The following ZNF678 variants were observed in gnomAD, a reference collection of about 807,000 sequenced individuals.
ZNF678 encodes the protein zinc finger protein 678.
In ZNF678, 5 loss-of-function variants were observed where a neutral mutation model predicts 3.0. The ratio of observed to expected loss-of-function variants is 1.69; its 90% CI spans 0.88 to 3.56. The LOEUF (loss-of-function observed/expected upper bound fraction) is 3.56, where lower values mean the gene tolerates loss of function less well. Ranked by LOEUF, ZNF678 falls within the 30% of genes most tolerant of loss-of-function variation. The probability of loss-of-function intolerance (pLI) is 0.00; values close to 1 mark genes in which losing one functional copy is unlikely to be tolerated. For missense variants in ZNF678, 593 were observed against 605.0 expected, an observed-to-expected ratio of 0.98 and a Z score of 0.21; for synonymous variants, 218 against 199.6, an observed-to-expected ratio of 1.09 and a Z score of -0.78.
chr1:227,598,829 A>C, intron 1 of ZNF678: 1 of 585,036 alleles, frequency 1.7e-6, no homozygotes, highest in South Asian at 1.6e-5. Flanking sequence ...TGGAAGAATT[A>C]GAGCTTAATG....
chr1:227,598,945 C>G (rs1657664089), intron 1 of ZNF678: 20 of 812,650 alleles, frequency 2.5e-5, no homozygotes. Context: ...GTTCTTTCTT[C>G]CAGTTCTCAT....
At chr1:227,572,802 TTCA>T (rs1431412214) in intron 1 of ZNF678, among the ~76,000 whole-genome samples, 1 of 152,222 alleles carries the variant, frequency 6.6e-6, no homozygotes, top group Non-Finnish European at 1.5e-5. Flanking sequence ...TTCTGGAGTC[TTCA>T]TGTGAGAGTT....
intron 1 of ZNF678, among the ~76,000 whole-genome samples, chr1:227,593,498 G>A (rs941058367): frequency 6.6e-6 from 1 of 152,162 alleles, no homozygotes; most frequent in Non-Finnish European, 1.5e-5. Flanking sequence ...AAGACTCCTG[G>A]TTGGCACTGG....
At chr1:227,605,493 A>G (rs999818187) in intron 1 of ZNF678, among the ~76,000 whole-genome samples, 3 of 152,232 alleles carry the variant, frequency 2.0e-5, no homozygotes, top group African/African-American at 7.2e-5. Context: ...GCAAAAGTGA[A>G]TATTTGTCTT....
rs547706962 is a variant in ZNF678, at chr1:227,629,742, G to T, written c.-163-16802G>T. 2.6e-5 allele frequency among the ~76,000 whole-genome samples: 4 copies of T among 152,344 alleles called. No individual in the cohort carries two copies. The East Asian group carries it at 5.8e-4, about 22-fold the overall frequency. On this transcript the variant is annotated intron_variant, in intron 1 of 3. Coordinates refer to ENST00000343776, the MANE Select transcript of ZNF678 (RefSeq NM_001367909.1). ...ACTCAGAGGACCTTCATACCCTGGG[G>T]TGCGGTGGGCCTTCCAGTGATTCCC... is the stretch of plus-strand genomic sequence containing the variant.
rs1659418845 is a variant in ZNF678 at position 227,662,031 on chromosome 1, T to C, written c.*6203T>C. The stretch of plus-strand genomic sequence containing the variant: ...ATTCAGACCAGGAAATTCCAATACA[T>C]CAGTGCATGTGGAGGACATGAGTAT... On this transcript the variant is annotated 3_prime_UTR_variant, in exon 4 of 4. Coordinates refer to ENST00000343776, the MANE Select transcript of ZNF678 (RefSeq NM_001367909.1). 6.6e-6 allele frequency: 1 copy of C among 152,172 alleles called. No individual in the cohort carries two copies. The allele number at this position is 152,172 out of a possible 1,614,324, so 9.4% of individuals were successfully genotyped here. A position where few individuals can be genotyped will look rare whatever the true frequency, so the allele number is the denominator to read the frequency against.
chr1:227,589,670 A>C (rs565247190), intron 1 of ZNF678, among the ~76,000 whole-genome samples: 8 of 151,796 alleles, frequency 5.3e-5, no homozygotes, highest in African/African-American at 1.9e-4. Context: ...TGGGGACTGC[A>C]TGCACCAGTA....
At position 227,629,967 on chromosome 1, in the gene ZNF678, G is replaced by A. The variant is rs576595661; in HGVS notation, c.-163-16577G>A. On this transcript the variant is annotated intron_variant, in intron 1 of 3. Coordinates refer to ENST00000343776, the MANE Select transcript of ZNF678 (RefSeq NM_001367909.1). ...GCCTTTTTTTTTTTTAATCCCATTC[G>A]TCCCATTCCACCTTTTTTCTCCTGA... Among the ~76,000 whole-genome samples the A allele has an allele frequency of 4.7e-5, 7 of 149,238 alleles. No individual in the cohort carries two copies. In the East Asian group the frequency reaches 5.9e-4, roughly 13 times the overall value.
chr1:227,589,139 G>A (rs1657342390), intron 1 of ZNF678, among the ~76,000 whole-genome samples: 1 of 148,214 alleles, frequency 6.7e-6, no homozygotes, highest in Non-Finnish European at 1.5e-5. Flanking sequence ...AAGCTCTTTA[G>A]TTTAATTAGA....
chr1:227,578,595 T>A (rs1657044715), intron 1 of ZNF678, among the ~76,000 whole-genome samples: 1 of 152,192 alleles, frequency 6.6e-6, no homozygotes, highest in African/African-American at 2.4e-5. Flanking sequence ...TCTGTCACAG[T>A]TATGTTCTTT....
At chr1:227,577,588 G>A (rs1571860427) in intron 1 of ZNF678, among the ~76,000 whole-genome samples, 1 of 152,048 alleles carries the variant, frequency 6.6e-6, no homozygotes, top group Non-Finnish European at 1.5e-5. Context: ...TATTTGCTTG[G>A]TAGATTTTCC....
intron 1 of ZNF678, among the ~76,000 whole-genome samples, chr1:227,600,981 C>T (rs1657723806): frequency 6.6e-6 from 1 of 152,170 alleles, no homozygotes; most frequent in South Asian, 2.1e-4. Context: ...TTTCAATCTT[C>T]TGCATATGGC....
At chr1:227,613,518 T>C (rs1054198545) in intron 1 of ZNF678, among the ~76,000 whole-genome samples, 1 of 152,198 alleles carries the variant, frequency 6.6e-6, no homozygotes, top group Non-Finnish European at 1.5e-5. Context: ...AGTTACGACA[T>C]TGCTGCCTCA....
At chr1:227,640,750 G>GT (rs1471657388) in intron 1 of ZNF678, among the ~76,000 whole-genome samples, 2 of 152,104 alleles carry the variant, frequency 1.3e-5, no homozygotes, top group African/African-American at 2.4e-5. Flanking sequence ...AGGTTTGCAG[G>GT]TTTTTTATGG....
At chr1:227,615,992 C>T (rs2102765122) in intron 1 of ZNF678, among the ~76,000 whole-genome samples, 1 of 152,226 alleles carries the variant, frequency 6.6e-6, no homozygotes, top group Non-Finnish European at 1.5e-5. Context: ...AGTTCAGTCC[C>T]CACCAGACTG....
intron 1 of ZNF678, among the ~76,000 whole-genome samples, chr1:227,637,423 T>C (rs911730159): frequency 1.3e-5 from 2 of 152,112 alleles, no homozygotes; most frequent in African/African-American, 2.4e-5. Context: ...TTTTAGGCTT[T>C]CAAGGGTGAG....
At chr1:227,642,547 G>A (rs1296941075) in intron 1 of ZNF678, among the ~76,000 whole-genome samples, 2 of 152,098 alleles carry the variant, frequency 1.3e-5, no homozygotes, top group African/African-American at 2.4e-5. Context: ...TCAGGGACAG[G>A]TAGTATCCCA....
At chr1:227,619,148 C>T (rs865815782) in intron 1 of ZNF678, among the ~76,000 whole-genome samples, 22 of 152,288 alleles carry the variant, frequency 1.4e-4, no homozygotes, top group African/African-American at 3.8e-4. Flanking sequence ...TACAACTTGA[C>T]GTGAGATTTG....
At chr1:227,634,975 G>T (rs184820318) in intron 1 of ZNF678, among the ~76,000 whole-genome samples, 1 of 152,050 alleles carries the variant, frequency 6.6e-6, no homozygotes, top group Non-Finnish European at 1.5e-5. Context: ...TTGGCCACAG[G>T]GGTGCTTGTG....
Sources: gnomAD v4.1 joint callset for allele counts (sites outside exome capture counted in the v4.1 genomes callset) on GRCh38, gnomAD v4.1.1 for gene constraint, MANE v1.5 for transcripts, NCBI Gene and HGNC (gene_info 2026-07-23, HGNC 2026-07-21) for gene names.